Variants in GALNT11 observed in about 807,000 individuals in gnomAD.
GALNT11 encodes UDP-GalNAc:polypeptide N-acetylgalactosaminyltransferase 11.
GALNT11 carries 47 observed loss-of-function variants against 72.7 expected under a neutral mutation model. The ratio of observed to expected loss-of-function variants is 0.65; its 90% CI spans 0.51 to 0.82. The LOEUF is 0.82. GALNT11 is among the 40% of genes least tolerant of loss of function. The pLI is 0.00. For synonymous variants in GALNT11, 270 were observed against 286.6 expected, an observed-to-expected ratio of 0.94 and a Z score of 0.58; for missense variants, 677 against 778.4, an observed-to-expected ratio of 0.87 and a Z score of 1.55.
chr7:152,100,278 T>TG (rs1359297016), intron 2 of GALNT11, among the ~76,000 whole-genome samples: 1 of 151,958 alleles, frequency 6.6e-6, no homozygotes, highest in Non-Finnish European at 1.5e-5. Context: ...CTTAAGATTA[T>TG]GGTTTGTGGC....
At chr7:152,077,364 G>A (rs186601488) in intron 1 of GALNT11, among the ~76,000 whole-genome samples, 66 of 152,252 alleles carry the variant, frequency 4.3e-4, no homozygotes, top group Middle Eastern at 3.4e-3. Flanking sequence ...GCTTTTGCCC[G>A]GCTATTTGCT....
intron 1 of GALNT11, among the ~76,000 whole-genome samples, chr7:152,087,148 TAAAC>T (rs1399381969): frequency 5.3e-5 from 8 of 152,214 alleles, no homozygotes; most frequent in Non-Finnish European, 8.8e-5. Flanking sequence ...ATGGGAGAGA[TAAAC>T]AATAAATAAT....
Position 152,025,707 on chromosome 7 carries a change from C to T in GALNT11, c.-216C>T, listed in dbSNP as rs1042548358. 1.3e-5 allele frequency: 2 copies of T among 151,294 alleles called. No individual in the cohort carries two copies. The highest frequency in any genetic ancestry group is 4.8e-5 in the African/African-American group (2 of 41,366). The allele number at this position is 151,294 out of a possible 1,614,324, so 9.4% of individuals were successfully genotyped here. A position where few individuals can be genotyped will look rare whatever the true frequency, so the allele number is the denominator to read the frequency against. On this transcript the variant is annotated 5_prime_UTR_variant, in exon 1 of 12. Coordinates refer to ENST00000430044, the MANE Select transcript of GALNT11 (RefSeq NM_022087.4). ...AGCGGCTCGGGGACTGGGCGAGGGC[C>T]CTGGGCCTGAGGAGGCGCGGCCGCC...
chr7:152,120,966 G>A lies in GALNT11; in HGVS notation c.1693G>A (p.Gly565Arg). Reference protein sequence around the residue: ...GSGGSQQWTFGKNNRLYQVSV... With the variant: ...GSGGSQQWTFRKNNRLYQVSV... ...AGGAGGATCCCAGCAGTGGACCTTT[G>A]GGGTGAGGAGTGCTCGGTGATGTTG... The change falls in exon 11 of 12, where the codon GGG (glycine) becomes AGG (arginine). Residue 565 changes from glycine (G) to arginine (R), a missense_variant and splice_region_variant. Gly to Arg is a moderately radical substitution (Grantham distance 125). Coordinates refer to ENST00000430044, the MANE Select transcript of GALNT11 (RefSeq NM_022087.4). 6.2e-7 allele frequency: 1 copy of A among 1,612,978 alleles called. No homozygotes were observed. The highest frequency in any genetic ancestry group is 1.7e-5 in the Admixed American group (1 of 59,582).
At chr7:152,090,489 G>C (rs1319807645) in intron 1 of GALNT11, among the ~76,000 whole-genome samples, 2 of 152,158 alleles carry the variant, frequency 1.3e-5, no homozygotes, top group Non-Finnish European at 2.9e-5. Context: ...TCACTACTTA[G>C]GTTCTGTAGA....
At position 152,100,793 on chromosome 7, in the gene GALNT11, T is replaced by C. The variant is rs369630394; in HGVS notation, c.296-5T>C. On this transcript the variant is annotated splice_polypyrimidine_tract_variant and splice_region_variant and intron_variant, in intron 2 of 11. Coordinates refer to ENST00000430044, the MANE Select transcript of GALNT11 (RefSeq NM_022087.4). ...AATTCGCTGACTAACTTCACTCTTT[T>C]GCAGGTATGATTTTTAATGAACGCG... is the stretch of plus-strand genomic sequence containing the variant. The C allele has an allele frequency of 4.3e-6, 7 of 1,613,244 alleles. No homozygotes were observed. The Admixed American group carries it at 6.7e-5, about 15-fold the overall frequency.
Position 152,094,136 on chromosome 7 carries a change from G to C in GALNT11, c.-38-54G>C. 16 of 1,395,938 alleles carry C rather than the reference G, an allele frequency of 1.1e-5. No individual in the cohort carries two copies. The highest frequency in any genetic ancestry group is 7.0e-5 in the South Asian group (5 of 71,144). The allele number at this position is 1,395,938 out of a possible 1,614,324, so 86.5% of individuals were successfully genotyped here. ...TTGGAAAACAGTGATTCTGTATTTG[G>C]TGGATGGTTTAAAGTATACTGAAGT... is the stretch of plus-strand genomic sequence containing the variant. On this transcript the variant is annotated intron_variant, in intron 1 of 11. Transcript: ENST00000430044. The surrounding 1 kb of genome is among the most constrained non-coding windows in gnomAD (Gnocchi z 4.3).
chr7:152,072,058 C>G (rs1244676707), intron 1 of GALNT11, among the ~76,000 whole-genome samples: 7 of 150,996 alleles, frequency 4.6e-5, no homozygotes, highest in African/African-American at 1.7e-4. Context: ...TGTGGCTCAC[C>G]CCTGTAATCC....
intron 2 of GALNT11, among the ~76,000 whole-genome samples, chr7:152,100,537 G>A (rs970357662): frequency 2.0e-5 from 3 of 151,260 alleles, no homozygotes; most frequent in African/African-American, 4.9e-5. Flanking sequence ...CTGCACTCCA[G>A]CCTGACGACA....
At chr7:152,111,723 G>A (rs1178905278) in intron 7 of GALNT11, among the ~76,000 whole-genome samples, 1 of 151,920 alleles carries the variant, frequency 6.6e-6, no homozygotes, top group East Asian at 1.9e-4. Flanking sequence ...TAATTTAAAG[G>A]TTTGTTCTTT....
intron 1 of GALNT11, among the ~76,000 whole-genome samples, chr7:152,081,893 T>C (rs2085346371): frequency 6.6e-6 from 1 of 152,232 alleles, no homozygotes; most frequent in Non-Finnish European, 1.5e-5. Flanking sequence ...AATTTACAGA[T>C]TAATCTGTAA....
intron 1 of GALNT11, among the ~76,000 whole-genome samples, chr7:152,056,745 A>G (rs1212763732): frequency 6.6e-6 from 1 of 152,222 alleles, no homozygotes; most frequent in African/African-American, 2.4e-5. Context: ...TCATGTGGAC[A>G]CATTATAACC....
At chr7:152,117,091 A>G (rs574323365) in intron 8 of GALNT11, 66 bp from the exon 9 acceptor site, 18 of 1,369,156 alleles carry the variant, frequency 1.3e-5, no homozygotes, top group African/African-American at 2.9e-5. Flanking sequence ...AAAAATCTCT[A>G]TATAGTTGTA....
At chr7:152,100,992 C>G in intron 3 of GALNT11, 71 bp downstream of exon 3, 2 of 1,567,018 alleles carry the variant, frequency 1.3e-6, no homozygotes, top group East Asian at 4.6e-5. Flanking sequence ...TAAGAGGTCA[C>G]GAGGACGGGG....
chr7:152,045,883 G>A (rs917214147), intron 1 of GALNT11, among the ~76,000 whole-genome samples: 3 of 151,692 alleles, frequency 2.0e-5, no homozygotes, highest in Non-Finnish European at 4.4e-5. Context: ...GCATAATTAG[G>A]TGGTTTATTT....
intron 1 of GALNT11, among the ~76,000 whole-genome samples, chr7:152,064,550 G>T (rs935892957): frequency 1.3e-5 from 2 of 152,184 alleles, no homozygotes; most frequent in African/African-American, 4.8e-5. Flanking sequence ...TCCTAGCATT[G>T]ATGGTCTTTA....
chr7:152,071,674 G>C (rs967973943), intron 1 of GALNT11, among the ~76,000 whole-genome samples: 1 of 152,176 alleles, frequency 6.6e-6, no homozygotes, highest in Non-Finnish European at 1.5e-5. Flanking sequence ...AAGTGTCCAC[G>C]AAATCTTCAC....
chr7:152,066,640 C>T (rs1367357171), intron 1 of GALNT11, among the ~76,000 whole-genome samples: 1 of 152,182 alleles, frequency 6.6e-6, no homozygotes, highest in Non-Finnish European at 1.5e-5. Flanking sequence ...CTTCCTTTCC[C>T]TTGAACACTT....
chr7:152,076,602 A>G (rs757632003), intron 1 of GALNT11, among the ~76,000 whole-genome samples: 6 of 152,144 alleles, frequency 3.9e-5, no homozygotes, highest in Non-Finnish European at 7.3e-5. Flanking sequence ...TCTTCTTATC[A>G]GTATATTGTG....
Sources: allele counts gnomAD v4.1 joint callset (sites outside exome capture counted in the v4.1 genomes callset), GRCh38; gene constraint gnomAD v4.1.1; non-coding constraint Gnocchi (gnomAD v3.1); transcripts MANE v1.5; gene names NCBI Gene and HGNC (gene_info 2026-07-23, HGNC 2026-07-21).